Variants in LINGO2 observed in about 807,000 individuals in gnomAD.
LINGO2 encodes leucine-rich repeat and immunoglobulin-like domain-containing nogo receptor-interacting protein 2.
LINGO2 carries 14 observed loss-of-function variants against 30.6 expected under a neutral mutation model. The ratio of observed to expected loss-of-function variants is 0.46; its 90% CI spans 0.30 to 0.72. The LOEUF is 0.72. Ranked by LOEUF, LINGO2 falls within the 30% of genes least tolerant of loss-of-function variation. The pLI is 0.07. For synonymous variants in LINGO2, 317 were observed against 288.5 expected (o/e 1.10, Z -1.00); for missense variants, 729 against 751.7 (o/e 0.97, Z 0.35).
chr9:28,201,456 A>G (rs1485483793), intron 4 of LINGO2, among the ~76,000 whole-genome samples: 16 of 146,838 alleles, frequency 1.1e-4, no homozygotes, highest in African/African-American at 4.0e-4. Context: ...TATGTGCCAC[A>G]TTTTCTTAAT....
At chr9:28,622,221 G>A (rs1363466877) in intron 1 of LINGO2, among the ~76,000 whole-genome samples, 1 of 151,850 alleles carries the variant, frequency 6.6e-6, no homozygotes, top group Non-Finnish European at 1.5e-5. Context: ...TTACCCAGTT[G>A]TGCTATCAGA....
At chr9:28,868,741 G>A in the LINGO2 span, among the ~76,000 whole-genome samples, 1 of 152,104 alleles carries the variant, frequency 6.6e-6, no homozygotes, top group East Asian at 1.9e-4. Context: ...GTTCAGCTGA[G>A]TAACTGCAAA....
At chr9:28,408,735 G>A (rs1279128129) in intron 2 of LINGO2, among the ~76,000 whole-genome samples, 4 of 147,190 alleles carry the variant, frequency 2.7e-5, no homozygotes, top group African/African-American at 1.0e-4. Flanking sequence ...AAACCTGCAC[G>A]TTTTGCACAT....
intron 5 of LINGO2, among the ~76,000 whole-genome samples, chr9:28,009,676 T>A (rs1018395641): frequency 2.0e-5 from 3 of 152,160 alleles, no homozygotes; most frequent in African/African-American, 7.2e-5. Flanking sequence ...CTACTTCACA[T>A]CTGCTAGATG....
At chr9:28,738,812 G>A in the LINGO2 span, among the ~76,000 whole-genome samples, 1 of 151,900 alleles carries the variant, frequency 6.6e-6, no homozygotes, top group Non-Finnish European at 1.5e-5. Flanking sequence ...CAGTCCAGTA[G>A]AGTCCAATAA....
At chr9:29,199,778 T>C in the LINGO2 span, among the ~76,000 whole-genome samples, 2 of 152,274 alleles carry the variant, frequency 1.3e-5, no homozygotes, top group South Asian at 4.1e-4. Flanking sequence ...TCTGACATTT[T>C]ATTCATGAGC....
the LINGO2 span, among the ~76,000 whole-genome samples, chr9:28,784,344 G>T: frequency 6.6e-6 from 1 of 152,160 alleles, no homozygotes. Context: ...ATTGCAGAAA[G>T]AAGCTCTGGT....
chr9:28,693,601 C>T, the LINGO2 span, among the ~76,000 whole-genome samples: 8 of 152,026 alleles, frequency 5.3e-5, no homozygotes, highest in South Asian at 4.1e-4. Flanking sequence ...AAGTGTTAAC[C>T]CCAGATTTTG....
At chr9:28,228,145 T>A (rs1279294117) in intron 4 of LINGO2, among the ~76,000 whole-genome samples, 1 of 152,000 alleles carries the variant, frequency 6.6e-6, no homozygotes, top group African/African-American at 2.4e-5. Flanking sequence ...TGGAGCCAGA[T>A]ACTCACCTAA....
intron 3 of LINGO2, among the ~76,000 whole-genome samples, chr9:28,352,072 T>A (rs1245493587): frequency 2.7e-5 from 4 of 149,330 alleles, no homozygotes. Flanking sequence ...CTGGAAGCAT[T>A]CCCTTTGAAA....
intron 4 of LINGO2, among the ~76,000 whole-genome samples, chr9:28,157,035 T>G (rs1228719869): frequency 6.6e-6 from 1 of 152,196 alleles, no homozygotes; most frequent in Non-Finnish European, 1.5e-5. Context: ...CATTCTGGGT[T>G]CTGGAGGACA....
chr9:28,025,500 GC>G (rs1227428450), intron 4 of LINGO2, among the ~76,000 whole-genome samples: 1 of 152,128 alleles, frequency 6.6e-6, no homozygotes, highest in Non-Finnish European at 1.5e-5. Flanking sequence ...ATCATGAGAG[GC>G]CTGTATTTAA....
chr9:29,185,677 T>C, the LINGO2 span, among the ~76,000 whole-genome samples: 2 of 152,200 alleles, frequency 1.3e-5, no homozygotes, highest in East Asian at 3.9e-4. Context: ...GTGTATTCCA[T>C]GTTACAAATG....
intron 2 of LINGO2, among the ~76,000 whole-genome samples, chr9:28,396,470 C>T (rs562527906): frequency 2.4e-4 from 37 of 151,866 alleles, no homozygotes; most frequent in African/African-American, 8.2e-4. Flanking sequence ...TTTGGGAGGC[C>T]GAGGCAGGCG....
chr9:28,241,267 C>CAAAAAAAAAAAAAAAAA (rs1164724626), intron 4 of LINGO2, among the ~76,000 whole-genome samples: 1 of 83,606 alleles, frequency 1.2e-5, no homozygotes, highest in African/African-American at 4.8e-5. Flanking sequence ...GACCCTGTCT[C>CAAAAAAAAAAAAAAAAA]AAAAAAAAAA....
At chr9:28,463,830 G>A (rs1825182593) in intron 2 of LINGO2, among the ~76,000 whole-genome samples, 1 of 152,152 alleles carries the variant, frequency 6.6e-6, no homozygotes, top group African/African-American at 2.4e-5. Flanking sequence ...GCATTTGGCA[G>A]GAAAAAATAT....
chr9:28,166,630 T>C (rs1313650246), intron 4 of LINGO2, among the ~76,000 whole-genome samples: 2 of 152,064 alleles, frequency 1.3e-5, no homozygotes, highest in Non-Finnish European at 2.9e-5. Context: ...AGAGAAGAAG[T>C]CTTCTCTTGA....
intron 4 of LINGO2, among the ~76,000 whole-genome samples, chr9:28,241,264 T>C (rs1171772282): frequency 1.6e-5 from 1 of 61,102 alleles, no homozygotes; most frequent in Admixed American, 2.4e-4. Flanking sequence ...CAAGACCCTG[T>C]CTCAAAAAAA....
At chr9:28,263,582 T>G (rs1822641221) in intron 4 of LINGO2, among the ~76,000 whole-genome samples, 1 of 151,968 alleles carries the variant, frequency 6.6e-6, no homozygotes, top group Non-Finnish European at 1.5e-5. Flanking sequence ...AAATATGAGA[T>G]AGGTTAAAAT....
Sources: allele counts gnomAD v4.1 joint callset (sites outside exome capture counted in the v4.1 genomes callset), GRCh38; gene constraint gnomAD v4.1.1; transcripts MANE v1.5; gene names NCBI Gene and HGNC (gene_info 2026-07-23, HGNC 2026-07-21).